The following ATF1 variants were observed in gnomAD, a reference collection of about 807,000 sequenced individuals.
ATF1 encodes cyclic AMP-dependent transcription factor ATF-1.
ATF1 carries 16 observed loss-of-function variants against 34.7 expected under a neutral mutation model. That is an observed-to-expected ratio of 0.46 (90% CI 0.31 to 0.70). ATF1 has a LOEUF of 0.70. ATF1 is among the 30% of genes least tolerant of loss of function. The pLI is 0.05. For missense variants in ATF1, 255 were observed against 321.6 expected, an observed-to-expected ratio of 0.79 and a Z score of 1.58; for synonymous variants, 105 against 113.1, an observed-to-expected ratio of 0.93 and a Z score of 0.46.
At chr12:50,790,529 A>C (rs1362811958) in intron 2 of ATF1, among the ~76,000 whole-genome samples, 1 of 152,040 alleles carries the variant, frequency 6.6e-6, no homozygotes, top group Admixed American at 6.6e-5. Context: ...CTCTATGCCC[A>C]TATTGGGGTA....
intron 1 of ATF1, among the ~76,000 whole-genome samples, chr12:50,777,106 G>A (rs1399724627): frequency 2.0e-5 from 3 of 152,008 alleles, no homozygotes; most frequent in African/African-American, 7.3e-5. Context: ...TGCCCACCTC[G>A]GCCTCCCAAA....
chr12:50,781,784 A>G (rs1396337722), intron 2 of ATF1, among the ~76,000 whole-genome samples: 1 of 151,984 alleles, frequency 6.6e-6, no homozygotes, highest in Non-Finnish European at 1.5e-5. Flanking sequence ...GTGTGGTGGC[A>G]CTACAACACC....
intron 2 of ATF1, among the ~76,000 whole-genome samples, chr12:50,792,819 G>T (rs1162560232): frequency 6.6e-6 from 1 of 151,292 alleles, no homozygotes; most frequent in Non-Finnish European, 1.5e-5. Flanking sequence ...TTTTCTATAT[G>T]CTTTATGGAG....
intron 2 of ATF1, among the ~76,000 whole-genome samples, chr12:50,790,244 G>A (rs1349270727): frequency 6.8e-6 from 1 of 147,060 alleles, no homozygotes; most frequent in Non-Finnish European, 1.5e-5. Context: ...TGTCACCCAG[G>A]CTAGAGTTGG....
rs1002443131 is a variant in ATF1 at position 50,820,486 on chromosome 12, T to G, written c.*707T>G. 3.3e-5 allele frequency: 6 copies of G among 181,438 alleles called. No homozygotes were observed. The highest frequency in any genetic ancestry group is 5.9e-5 in the Non-Finnish European group (5 of 84,722). The allele number at this position is 181,438 out of a possible 1,614,324, so 11.2% of individuals were successfully genotyped here. A position where few individuals can be genotyped will look rare whatever the true frequency, so the allele number is the denominator to read the frequency against. On this transcript the variant is annotated 3_prime_UTR_variant, in exon 7 of 7. Coordinates refer to ENST00000262053, the MANE Select transcript of ATF1 (RefSeq NM_005171.5). Reference sequence around the variant, plus strand: ...AAGTTTGATACTTTTAAATAGTTGGTTTTTTTGCTTACTCTGGTAATGATT... The same window carrying G: ...AAGTTTGATACTTTTAAATAGTTGGGTTTTTTGCTTACTCTGGTAATGATT...
chr12:50,782,610 G>A (rs1021223030), intron 2 of ATF1, among the ~76,000 whole-genome samples: 1 of 146,884 alleles, frequency 6.8e-6, no homozygotes, highest in African/African-American at 2.5e-5. Context: ...GCCCAGGCTG[G>A]TGTCAAACTC....
chr12:50,789,085 T>C (rs1207437677), intron 2 of ATF1, among the ~76,000 whole-genome samples: 1 of 150,876 alleles, frequency 6.6e-6, no homozygotes, highest in Non-Finnish European at 1.5e-5. Context: ...TTTTTGTTGT[T>C]TTTTTTTTTC....
intron 6 of ATF1, among the ~76,000 whole-genome samples, chr12:50,819,028 A>C (rs1457393881): frequency 6.6e-6 from 1 of 152,252 alleles, no homozygotes; most frequent in Non-Finnish European, 1.5e-5. Flanking sequence ...TAAATAAAAG[A>C]AGTCATGTGT....
chr12:50,777,829 T>C (rs187023012), intron 1 of ATF1, among the ~76,000 whole-genome samples: 2 of 151,988 alleles, frequency 1.3e-5, no homozygotes, highest in Admixed American at 1.3e-4. Flanking sequence ...GAAGAAAATA[T>C]GTAGGCTTAA....
intron 3 of ATF1, among the ~76,000 whole-genome samples, chr12:50,798,158 A>AT (rs1941445666): frequency 6.6e-6 from 1 of 152,034 alleles, no homozygotes; most frequent in East Asian, 1.9e-4. Context: ...CTAAAAAAAA[A>AT]GAAAAAAGAA....
chr12:50,781,618 T>A (rs1424748488), intron 2 of ATF1, among the ~76,000 whole-genome samples: 2 of 151,932 alleles, frequency 1.3e-5, no homozygotes, highest in Non-Finnish European at 2.9e-5. Context: ...ACCCAGCTAA[T>A]TTTTTGTATT....
intron 2 of ATF1, among the ~76,000 whole-genome samples, chr12:50,794,756 T>TA (rs1481208512): frequency 4.0e-5 from 6 of 149,108 alleles, no homozygotes; most frequent in East Asian, 4.0e-4. Context: ...CCTGTCAGAA[T>TA]AAAAAAAAAT....
In ATF1 at chr12:50,798,316, G is replaced by GT. The variant is rs1166055520; in HGVS notation, c.194+2317dup. On this transcript the variant is annotated intron_variant, in intron 3 of 6. Coordinates refer to ENST00000262053, the MANE Select transcript of ATF1 (RefSeq NM_005171.5). ...TAATTTGGGTAGTTTCATGGTTGTTGTTTTTTTTTTGAGATGGAGTCTCGC... is the reference window on the plus strand; with the variant it reads ...TAATTTGGGTAGTTTCATGGTTGTTGTTTTTTTTTTTGAGATGGAGTCTCGC... Among the ~76,000 whole-genome samples, 203 of 147,214 alleles carry GT rather than the reference G, an allele frequency of 1.4e-3. 1 individual carries two copies. Among genetic ancestry groups the GT allele is most frequent in the African/African-American group, 4.2e-3 (168 of 40,242 alleles).
At chr12:50,806,504 G>A in intron 3 of ATF1, 2 of 248,006 alleles carry the variant, frequency 8.1e-6, no homozygotes, top group East Asian at 9.6e-5. Context: ...GCCTCTGCCT[G>A]CCCCACCAGG....
chr12:50,778,905 C>G (rs1281932460), intron 1 of ATF1, among the ~76,000 whole-genome samples: 2 of 152,200 alleles, frequency 1.3e-5, no homozygotes, highest in East Asian at 1.9e-4. Context: ...GCCCATTAAA[C>G]AGCAGCTCTC....
At chr12:50,779,744 C>T (rs1338232445) in intron 1 of ATF1, among the ~76,000 whole-genome samples, 1 of 151,992 alleles carries the variant, frequency 6.6e-6, no homozygotes, top group African/African-American at 2.4e-5. Context: ...TTAGAACCTC[C>T]TTAGGTATAG....
At chr12:50,800,926 C>A (rs4768923) in intron 3 of ATF1, among the ~76,000 whole-genome samples, 35,730 of 151,858 alleles carry the variant, frequency 0.24, 4,946 homozygotes, top group East Asian at 0.4. Flanking sequence ...ATAGCAAAAC[C>A]CCGTCTCTAT....
chr12:50,810,263 A>G (rs1374695510), intron 4 of ATF1, among the ~76,000 whole-genome samples: 1 of 139,036 alleles, frequency 7.2e-6, no homozygotes, highest in African/African-American at 2.7e-5. Flanking sequence ...TGTTGCCCAG[A>G]TTAGAGTGCA....
chr12:50,766,180 T>C (rs1380388165), intron 1 of ATF1, among the ~76,000 whole-genome samples: 2 of 152,128 alleles, frequency 1.3e-5, no homozygotes, highest in Admixed American at 1.3e-4. Context: ...GTATTTGTGG[T>C]GGCCACAGAA....
Sources: allele counts gnomAD v4.1 joint callset (sites outside exome capture counted in the v4.1 genomes callset), GRCh38; gene constraint gnomAD v4.1.1; transcripts MANE v1.5; gene names NCBI Gene and HGNC (gene_info 2026-07-23, HGNC 2026-07-21).